Variants in NCK2 observed in about 807,000 individuals in gnomAD.
The protein encoded by NCK2 is NCK adaptor protein 2, also known as cytoplasmic protein NCK2.
NCK2 carries 16 observed loss-of-function variants against 33.9 expected under a neutral mutation model. That is an observed-to-expected ratio of 0.47 (90% CI 0.32 to 0.72). The LOEUF (loss-of-function observed/expected upper bound fraction) is 0.72, where lower values mean the gene tolerates loss of function less well. NCK2 is among the 30% of genes least tolerant of loss of function. The probability of loss-of-function intolerance (pLI) is 0.03; values close to 1 mark genes in which losing one functional copy is unlikely to be tolerated. For missense variants in NCK2, 418 were observed against 537.3 expected (o/e 0.78, Z 2.19); for synonymous variants, 273 against 239.9 (o/e 1.14, Z -1.27).
intron 1 of NCK2, among the ~76,000 whole-genome samples, chr2:105,751,606 A>G (rs1396674775): frequency 6.6e-6 from 1 of 152,206 alleles, no homozygotes; most frequent in African/African-American, 2.4e-5. Context: ...GCTAATTGTG[A>G]TAACAAAACT....
chr2:105,848,235 TG>T lies in NCK2; in HGVS notation c.-16-6807del, dbSNP rs1378288433. 6.6e-5 allele frequency among the ~76,000 whole-genome samples: 10 copies of T among 152,252 alleles called. No homozygotes were observed. In the South Asian group the frequency reaches 1.9e-3, roughly 28 times the overall value. On this transcript the variant is annotated intron_variant, in intron 2 of 4. Transcript: ENST00000233154. ...TCTGACCCATCTGCAAACACAGAAA[TG>T]GGGGGCAGAGTGGTCAAGCACCTTC...
At chr2:105,872,946 G>A (rs1374401106) in intron 3 of NCK2, among the ~76,000 whole-genome samples, 2 of 152,220 alleles carry the variant, frequency 1.3e-5, no homozygotes. Context: ...GACATTAGCA[G>A]CGCCTGTCCT....
At chr2:105,763,622 C>A (rs1370384434) in intron 1 of NCK2, among the ~76,000 whole-genome samples, 1 of 151,996 alleles carries the variant, frequency 6.6e-6, no homozygotes, top group African/African-American at 2.4e-5. Flanking sequence ...ACTGTTACAG[C>A]AGTGGGGTTG....
At chr2:105,781,032 C>G (rs1375957134) in intron 1 of NCK2, among the ~76,000 whole-genome samples, 1 of 152,176 alleles carries the variant, frequency 6.6e-6, no homozygotes, top group African/African-American at 2.4e-5. Flanking sequence ...TTGTCTCTCA[C>G]CTGGTCGTGG....
Position 105,751,756 on chromosome 2 carries a change from A to G in NCK2, c.-201+6618A>G, listed in dbSNP as rs563578811. On this transcript the variant is annotated intron_variant, in intron 1 of 4. Coordinates refer to ENST00000233154, the MANE Select transcript of NCK2 (RefSeq NM_003581.5). ...GCCCAGCTCTCTGTCATGGGAGGAG[A>G]AGAGACTAACTGCAGAAAATGGTGC... 3.4e-3 allele frequency among the ~76,000 whole-genome samples: 523 copies of G among 152,222 alleles called. 5 individuals carry two copies. Among genetic ancestry groups the G allele is most frequent in the African/African-American group, 0.012 (487 of 41,516 alleles).
At chr2:105,813,259 G>A (rs769383076) in intron 1 of NCK2, among the ~76,000 whole-genome samples, 2 of 152,256 alleles carry the variant, frequency 1.3e-5, no homozygotes, top group East Asian at 1.9e-4. Flanking sequence ...GCCTGTCACC[G>A]TTTCTATCAT....
At position 105,820,264 on chromosome 2, in the gene NCK2, G is replaced by A. The variant is rs56346816; in HGVS notation, c.-17+3651G>A. ...CCAGGCATTTGCCATTTGGTCGGTG[G>A]TCCTTGAAGTGCCAACAGGGAAAGC... On this transcript the variant is annotated intron_variant, in intron 2 of 4. Transcript: ENST00000233154. Among the ~76,000 whole-genome samples, 181 of 152,326 alleles carry A rather than the reference G, an allele frequency of 1.2e-3. 1 individual carries two copies. The highest frequency in any genetic ancestry group is 4.2e-3 in the African/African-American group (174 of 41,574).
intron 1 of NCK2, among the ~76,000 whole-genome samples, chr2:105,768,883 T>G (rs1039302616): frequency 2.0e-5 from 3 of 152,156 alleles, no homozygotes; most frequent in Non-Finnish European, 4.4e-5. Flanking sequence ...CACCTCCTAG[T>G]GCACCATCCC....
At chr2:105,877,026 A>G (rs1249481956) in intron 3 of NCK2, among the ~76,000 whole-genome samples, 3 of 152,154 alleles carry the variant, frequency 2.0e-5, no homozygotes, top group Non-Finnish European at 4.4e-5. Flanking sequence ...GCGGGGTCAC[A>G]GCTCCAGGTG....
chr2:105,761,386 G>A (rs937124230), intron 1 of NCK2, among the ~76,000 whole-genome samples: 1 of 152,094 alleles, frequency 6.6e-6, no homozygotes, highest in Non-Finnish European at 1.5e-5. Context: ...AAGGCCATTA[G>A]CCTGTTTCTC....
At chr2:105,812,815 CT>C (rs5833152) in intron 1 of NCK2, among the ~76,000 whole-genome samples, 54 of 142,938 alleles carry the variant, frequency 3.8e-4, no homozygotes, top group East Asian at 8.2e-4. Context: ...TTCAACAAGG[CT>C]TTTTTTTTTT....
At chr2:105,782,803 G>T (rs1247042068) in intron 1 of NCK2, among the ~76,000 whole-genome samples, 8 of 152,194 alleles carry the variant, frequency 5.3e-5, no homozygotes, top group African/African-American at 1.9e-4. Flanking sequence ...CTCAGCTCTG[G>T]CAGCCACAGC....
intron 2 of NCK2, among the ~76,000 whole-genome samples, chr2:105,829,726 T>C (rs1676093738): frequency 6.6e-6 from 1 of 152,208 alleles, no homozygotes. Context: ...GTCAGAATTC[T>C]TCACTCCATA....
rs561064719 is a variant in NCK2 at position 105,893,202 on chromosome 2, C to T, written c.*26C>T. ...CGGCGCCCCGGCCCCACACTCGCCT[C>T]CCGGGCCCCACGGTGGAGCTGCCCG... On this transcript the variant is annotated 3_prime_UTR_variant, in exon 5 of 5. Transcript: ENST00000233154. The T allele has an allele frequency of 6.2e-5, 96 of 1,551,986 alleles. No homozygotes were observed. The highest frequency in any genetic ancestry group is 7.8e-5 in the Non-Finnish European group (90 of 1,147,436).
At chr2:105,789,411 A>G (rs574537223) in intron 1 of NCK2, among the ~76,000 whole-genome samples, 1 of 151,490 alleles carries the variant, frequency 6.6e-6, no homozygotes, top group East Asian at 1.9e-4. Context: ...TGGTCTCCCA[A>G]CTCCTGGCCT....
At chr2:105,827,674 A>G (rs959989482) in intron 2 of NCK2, among the ~76,000 whole-genome samples, 12 of 152,192 alleles carry the variant, frequency 7.9e-5, no homozygotes, top group African/African-American at 2.9e-4. Context: ...CTTTTAATAG[A>G]ATTTCTTCTT....
intron 1 of NCK2, among the ~76,000 whole-genome samples, chr2:105,768,452 C>G (rs1690019150): frequency 6.6e-6 from 1 of 152,218 alleles, no homozygotes; most frequent in African/African-American, 2.4e-5. Context: ...GTTGCATGTC[C>G]TAAGCCACCT....
intron 2 of NCK2, among the ~76,000 whole-genome samples, chr2:105,848,815 A>G (rs912237214): frequency 6.6e-6 from 1 of 152,234 alleles, no homozygotes; most frequent in African/African-American, 2.4e-5. Context: ...GAGATATTAC[A>G]AAGAAAAAAG....
chr2:105,807,057 A>T (rs1029468509), intron 1 of NCK2, among the ~76,000 whole-genome samples: 1 of 152,186 alleles, frequency 6.6e-6, no homozygotes, highest in African/African-American at 2.4e-5. Flanking sequence ...CCGTGATGTA[A>T]TGTGGAATGA....
Sources: gnomAD v4.1 joint callset for allele counts (sites outside exome capture counted in the v4.1 genomes callset) on GRCh38, gnomAD v4.1.1 for gene constraint, MANE v1.5 for transcripts, NCBI Gene and HGNC (gene_info 2026-07-23, HGNC 2026-07-21) for gene names.